PPEF2: variants seen among roughly 807,000 people sequenced by gnomAD.
PPEF2 encodes the protein protein phosphatase with EF-hand domain 2.
PPEF2 carries 84 observed loss-of-function variants against 84.7 expected under a neutral mutation model. That is an observed-to-expected ratio of 0.99 (90% CI 0.83 to 1.19). The LOEUF is 1.19. PPEF2 is among the 50% of genes most tolerant of loss of function. The pLI, the probability that PPEF2 is intolerant of heterozygous loss-of-function variation, is 0.00. For missense variants in PPEF2, 924 were observed against 937.5 expected, an observed-to-expected ratio of 0.99 and a Z score of 0.19; for synonymous variants, 346 against 345.2, an observed-to-expected ratio of 1.00 and a Z score of -0.03.
At chr4:75,892,766 T>G (rs1724920655) in intron 2 of PPEF2, among the ~76,000 whole-genome samples, 1 of 152,186 alleles carries the variant, frequency 6.6e-6, no homozygotes, top group Admixed American at 6.5e-5. Flanking sequence ...ATTCTTTATA[T>G]AAGGTTTAGG....
At chr4:75,872,571 GGCTCCTC>G (rs1724307583) in intron 12 of PPEF2, among the ~76,000 whole-genome samples, 1 of 152,138 alleles carries the variant, frequency 6.6e-6, no homozygotes. Context: ...GGAATGTTGT[GGCTCCTC>G]AGATGGTGTA....
At chr4:75,862,438 C>G (rs1471188092) in intron 16 of PPEF2, among the ~76,000 whole-genome samples, 1 of 151,504 alleles carries the variant, frequency 6.6e-6, no homozygotes, top group Non-Finnish European at 1.5e-5. Flanking sequence ...ATATGAATAA[C>G]TCTTACAACT....
chr4:75,882,165 T>A (rs1724592322), intron 10 of PPEF2, among the ~76,000 whole-genome samples: 1 of 152,240 alleles, frequency 6.6e-6, no homozygotes, highest in African/African-American at 2.4e-5. Context: ...TGTGTTCCTT[T>A]AGGGCAGGCA....
At chr4:75,866,600 A>G in intron 14 of PPEF2, 1 of 503,120 alleles carries the variant, frequency 2.0e-6, no homozygotes, top group South Asian at 2.0e-5. Flanking sequence ...CAAATATTGC[A>G]TAAAAATTAT....
At position 75,884,731 on chromosome 4, in the gene PPEF2, A is replaced by G; in HGVS notation, c.609T>C (p.Tyr203=). Residue 203 remains tyrosine (Y), a synonymous_variant, in exon 8 of 17, where the codon TAT becomes TAC. Transcript: ENST00000286719. ...KNGLPSPERS[Y]VFNGDFVDRG... ...GATCCACAAAGTCACCGTTGAACAC[A>G]TATGACCGTTCTGGCGACGGGAGGC... is the stretch of plus-strand genomic sequence containing the variant. 1.2e-6 allele frequency: 2 copies of G among 1,605,276 alleles called. No homozygotes were observed. The highest frequency in any genetic ancestry group is 1.1e-5 in the South Asian group (1 of 88,474).
Position 75,876,560 on chromosome 4 carries a change from G to A in PPEF2, c.1047C>T (p.Pro349=), listed in dbSNP as rs766443666. 4.3e-6 allele frequency: 7 copies of A among 1,613,944 alleles called. No homozygotes were observed. The highest frequency in any genetic ancestry group is 2.7e-5 in the African/African-American group (2 of 74,930). The part of the protein sequence containing the change: ...SAQGPIPWFL[P]ESRSLPSSPL... ...GCGAAGAGGGAAGAGAGCGGCTTTC[G>A]GGGAGAAACCATGGGATGGGTCCCT... is the stretch of plus-strand genomic sequence containing the variant. Residue 349 remains proline (P), a synonymous_variant, in exon 11 of 17, where the codon CCC becomes CCT. Coordinates refer to ENST00000286719, the MANE Select transcript of PPEF2 (RefSeq NM_006239.3).
At chr4:75,869,216 G>T (rs1724207473) in intron 13 of PPEF2, among the ~76,000 whole-genome samples, 1 of 152,234 alleles carries the variant, frequency 6.6e-6, no homozygotes, top group South Asian at 2.1e-4. Context: ...GAGTTATGCA[G>T]GGATGGAGTA....
At chr4:75,897,235 T>G (rs949272923) in intron 1 of PPEF2, among the ~76,000 whole-genome samples, 4 of 152,206 alleles carry the variant, frequency 2.6e-5, no homozygotes, top group Non-Finnish European at 4.4e-5. Flanking sequence ...CCTGACTACT[T>G]ACTGTCTCTG....
intron 1 of PPEF2, among the ~76,000 whole-genome samples, chr4:75,897,833 C>T (rs1329186552): frequency 6.6e-6 from 1 of 152,122 alleles, no homozygotes; most frequent in African/African-American, 2.4e-5. Flanking sequence ...GAGACCAGCT[C>T]AGTCAGGGAG....
chr4:75,860,939 T>A lies in PPEF2; in HGVS notation c.2009-19A>T, dbSNP rs772343110. The A allele has an allele frequency of 6.2e-7, 1 of 1,609,126 alleles. No individual in the cohort carries two copies. Among genetic ancestry groups the A allele is most frequent in the Non-Finnish European group, 8.5e-7 (1 of 1,175,992 alleles). ...ATGAACCCTTATCAGAGGGAGGAAA[T>A]CACTTCAGTGAGTTAGTCTAGTTTT... On this transcript the variant is annotated intron_variant, in intron 16 of 16. Coordinates refer to ENST00000286719, the MANE Select transcript of PPEF2 (RefSeq NM_006239.3).
intron 15 of PPEF2, among the ~76,000 whole-genome samples, chr4:75,865,180 G>T (rs1724097571): frequency 6.6e-6 from 1 of 152,076 alleles, no homozygotes; most frequent in Non-Finnish European, 1.5e-5. Context: ...CAGGTGATCT[G>T]CCCGCCTCGG....
chr4:75,897,899 T>G (rs1725043967), intron 1 of PPEF2, among the ~76,000 whole-genome samples: 1 of 151,768 alleles, frequency 6.6e-6, no homozygotes, highest in Admixed American at 6.6e-5. Context: ...AATATAGAGG[T>G]GCGAAGTGGG....
chr4:75,890,270 G>A, intron 4 of PPEF2, 138 bp from the exon 5 acceptor site: 2 of 904,996 alleles, frequency 2.2e-6, no homozygotes, highest in Non-Finnish European at 3.3e-6. Flanking sequence ...AGGATTGCTT[G>A]AGCCCAGGAG....
At chr4:75,880,174 C>G (rs911982663) in intron 10 of PPEF2, among the ~76,000 whole-genome samples, 1 of 152,152 alleles carries the variant, frequency 6.6e-6, no homozygotes, top group African/African-American at 2.4e-5. Flanking sequence ...CAAGCAGCAT[C>G]CCTAACTTGA....
chr4:75,864,520 T>G lies in PPEF2; in HGVS notation c.1928A>C (p.Gln643Pro), dbSNP rs1315080529. 3.1e-6 allele frequency: 5 copies of G among 1,611,002 alleles called. No individual in the cohort carries two copies. In the South Asian group the frequency reaches 4.4e-5, roughly 14 times the overall value. Residue 643 changes from glutamine to proline, a missense_variant, in exon 16 of 17, where the codon CAA (glutamine) becomes CCA (proline). Physicochemically the swap from Gln to Pro is moderately conservative, Grantham distance 76 (BLOSUM62 -1). Coordinates refer to ENST00000286719, the MANE Select transcript of PPEF2 (RefSeq NM_006239.3). ...AKEQLSRENI[Q>P]SSLLETLYRN... is the part of the protein sequence containing the mutation. Reference sequence around the variant, plus strand: ...ATACAATGTTTCCAGCAAACTTGATTGTATGTTCTGCAAGAAAAAATTCAT... The same window carrying G: ...ATACAATGTTTCCAGCAAACTTGATGGTATGTTCTGCAAGAAAAAATTCAT...
intron 2 of PPEF2, 119 bp from the exon 3 acceptor site, chr4:75,892,097 C>G (rs1390116854): frequency 1.5e-6 from 2 of 1,308,066 alleles, no homozygotes; most frequent in Admixed American, 2.1e-5. Context: ...CAAGATGGAG[C>G]AGAAGCACTA....
chr4:75,883,327 G>T, intron 8 of PPEF2, 125 bp from the exon 9 acceptor site: 1 of 826,920 alleles, frequency 1.2e-6, no homozygotes, highest in Non-Finnish European at 2.0e-6. Flanking sequence ...AGAGACTGAG[G>T]AATAATCACC....
At chr4:75,886,706 T>C (rs1724735186) in intron 7 of PPEF2, 146 bp downstream of exon 7, 1 of 376,878 alleles carries the variant, frequency 2.7e-6, no homozygotes, top group Non-Finnish European at 4.7e-6. Flanking sequence ...GGTGGCAGAT[T>C]GAGACCCCCA....
intron 10 of PPEF2, among the ~76,000 whole-genome samples, chr4:75,878,672 G>C (rs1724489929): frequency 6.6e-6 from 1 of 152,210 alleles, no homozygotes; most frequent in Admixed American, 6.5e-5. Context: ...TGGGCATAGA[G>C]AGTGCAAAGC....
Sources: allele counts gnomAD v4.1 joint callset (sites outside exome capture counted in the v4.1 genomes callset), GRCh38; gene constraint gnomAD v4.1.1; transcripts MANE v1.5; gene names NCBI Gene and HGNC (gene_info 2026-07-23, HGNC 2026-07-21).